The following ZFHX3 variants were observed in gnomAD, a reference collection of about 807,000 sequenced individuals.
ZFHX3 encodes the protein zinc finger homeobox protein 3.
ZFHX3 carries 42 observed loss-of-function variants against 279.1 expected under a neutral mutation model. That is an observed-to-expected ratio of 0.15 (90% CI 0.12 to 0.19). The LOEUF (loss-of-function observed/expected upper bound fraction) is 0.19, where lower values mean the gene tolerates loss of function less well. Among genes scored for constraint, ZFHX3 ranks in the 10% least tolerant of loss-of-function variants. The pLI, the probability that ZFHX3 is intolerant of heterozygous loss-of-function variation, is 1.00. For synonymous variants in ZFHX3, 2,293 were observed against 1,957.8 expected (o/e 1.17, Z -4.52); for missense variants, 4,981 against 4,754.0 (o/e 1.05, Z -1.40).
At chr16:73,491,996 C>T (rs755624271) in intron 2 of ZFHX3, among the ~76,000 whole-genome samples, 2 of 152,192 alleles carry the variant, frequency 1.3e-5, no homozygotes, top group African/African-American at 2.4e-5. Context: ...GAAGCAATTG[C>T]TTCCTTTCAG....
chr16:73,144,688 C>A (rs1410902512), intron 5 of ZFHX3, among the ~76,000 whole-genome samples: 1 of 152,170 alleles, frequency 6.6e-6, no homozygotes, highest in East Asian at 1.9e-4. Context: ...CATTCCCTAA[C>A]CTTGAATAAT....
intron 3 of ZFHX3, among the ~76,000 whole-genome samples, chr16:72,937,706 T>C (rs1254912947): frequency 1.3e-5 from 2 of 152,202 alleles, no homozygotes; most frequent in Non-Finnish European, 2.9e-5. Context: ...TACCTTTCCA[T>C]CCTCTCTGTT....
At chr16:73,410,510 C>A (rs2017444786) in intron 3 of ZFHX3, among the ~76,000 whole-genome samples, 1 of 152,130 alleles carries the variant, frequency 6.6e-6, no homozygotes, top group Non-Finnish European at 1.5e-5. Flanking sequence ...TGATGGGTAC[C>A]CCATTTACCC....
chr16:72,901,383 C>T (rs2039031167), intron 3 of ZFHX3, among the ~76,000 whole-genome samples: 1 of 152,168 alleles, frequency 6.6e-6, no homozygotes. Flanking sequence ...CTCTTGAGTT[C>T]CTACTATTTG....
At chr16:73,102,613 G>C (rs552769185) in intron 7 of ZFHX3, among the ~76,000 whole-genome samples, 2 of 152,034 alleles carry the variant, frequency 1.3e-5, no homozygotes, top group African/African-American at 4.8e-5. Context: ...TCTGTCCTTG[G>C]TATTGCTGAC....
At chr16:73,628,169 A>G (rs1378075786) in intron 2 of ZFHX3, among the ~76,000 whole-genome samples, 2 of 152,238 alleles carry the variant, frequency 1.3e-5, no homozygotes, top group South Asian at 2.1e-4. Flanking sequence ...ACCTGGGGAT[A>G]AGGAATGCAG....
intron 3 of ZFHX3, among the ~76,000 whole-genome samples, chr16:73,374,411 T>A (rs2016686632): frequency 1.3e-5 from 2 of 152,008 alleles, no homozygotes; most frequent in African/African-American, 4.8e-5. Context: ...CTGGTTCATC[T>A]ATTCCTCCCA....
At chr16:73,312,018 G>A (rs1027831401) in intron 4 of ZFHX3, among the ~76,000 whole-genome samples, 3 of 152,200 alleles carry the variant, frequency 2.0e-5, no homozygotes, top group African/African-American at 7.2e-5. Context: ...GCAGTCCTCT[G>A]TGGGGCACTT....
chr16:72,972,883 T>A (rs895470859), intron 1 of ZFHX3, among the ~76,000 whole-genome samples: 3 of 152,180 alleles, frequency 2.0e-5, no homozygotes, highest in Non-Finnish European at 4.4e-5. Context: ...CATTTTCCAC[T>A]TATTCGATAA....
intron 1 of ZFHX3, among the ~76,000 whole-genome samples, chr16:72,967,699 G>T (rs7187913): frequency 6.7e-6 from 1 of 150,220 alleles, no homozygotes; most frequent in Non-Finnish European, 1.5e-5. Context: ...GGCAGATCAC[G>T]AGGCCAGGTA....
chr16:72,978,985 G>C (rs1443532434), intron 1 of ZFHX3, among the ~76,000 whole-genome samples: 1 of 152,162 alleles, frequency 6.6e-6, no homozygotes, highest in Non-Finnish European at 1.5e-5. Context: ...TGAAGAGGCA[G>C]AGGTCTAGGA....
chr16:73,884,072 A>C (rs769201036), intron 1 of ZFHX3, among the ~76,000 whole-genome samples: 6 of 152,204 alleles, frequency 3.9e-5, no homozygotes, highest in Non-Finnish European at 7.3e-5. Context: ...CTTTCGTTAC[A>C]CATTTTTGTG....
At chr16:72,933,292 C>CTACT in intron 3 of ZFHX3, among the ~76,000 whole-genome samples, 1 of 151,448 alleles carries the variant, frequency 6.6e-6, no homozygotes, top group South Asian at 2.1e-4. Flanking sequence ...TCTTCAGAGA[C>CTACT]ACAACAGATC....
intron 4 of ZFHX3, among the ~76,000 whole-genome samples, chr16:72,864,594 A>T (rs2037967428): frequency 6.6e-6 from 1 of 152,176 alleles, no homozygotes; most frequent in Non-Finnish European, 1.5e-5. Context: ...ATCTTTCTCT[A>T]AACTTGTGAA....
At chr16:73,751,663 T>C (rs934542703) in intron 1 of ZFHX3, among the ~76,000 whole-genome samples, 1 of 152,232 alleles carries the variant, frequency 6.6e-6, no homozygotes, top group African/African-American at 2.4e-5. Flanking sequence ...TTTATAGGCC[T>C]ATCTTCTCAT....
chr16:73,608,346 G>A (rs776295709), intron 2 of ZFHX3, among the ~76,000 whole-genome samples: 1 of 152,150 alleles, frequency 6.6e-6, no homozygotes, highest in Non-Finnish European at 1.5e-5. Flanking sequence ...GTACATAAGA[G>A]ATTCTAACTC....
intron 3 of ZFHX3, among the ~76,000 whole-genome samples, chr16:73,383,986 TG>T (rs1352062695): frequency 6.6e-6 from 1 of 152,070 alleles, no homozygotes; most frequent in Non-Finnish European, 1.5e-5. Context: ...AAATGGCGAG[TG>T]CTCCACGAAC....
intron 1 of ZFHX3, among the ~76,000 whole-genome samples, chr16:73,042,747 GA>G (rs1181660202): frequency 6.6e-6 from 1 of 152,008 alleles, no homozygotes; most frequent in Non-Finnish European, 1.5e-5. Flanking sequence ...AGCAGCAGAT[GA>G]AAACTCCACA....
intron 1 of ZFHX3, among the ~76,000 whole-genome samples, chr16:73,686,073 G>T (rs1369279978): frequency 6.6e-6 from 1 of 152,064 alleles, no homozygotes; most frequent in East Asian, 1.9e-4. Context: ...GAGGGTAATA[G>T]TATATTCAGA....
Sources: gnomAD v4.1 joint callset for allele counts (sites outside exome capture counted in the v4.1 genomes callset) on GRCh38, gnomAD v4.1.1 for gene constraint, MANE v1.5 for transcripts, NCBI Gene and HGNC (gene_info 2026-07-23, HGNC 2026-07-21) for gene names.